COMMD1: variants seen among roughly 807,000 people sequenced by gnomAD.
COMMD1 encodes the protein COMM domain-containing protein 1.
A neutral mutation model predicts 17.2 loss-of-function variants in COMMD1; 10 were observed. That is an observed-to-expected ratio of 0.58 (90% CI 0.36 to 0.99). COMMD1 has a LOEUF of 0.99. COMMD1 is among the 50% of genes least tolerant of loss of function. The probability of loss-of-function intolerance (pLI) is 0.01; values close to 1 mark genes in which losing one functional copy is unlikely to be tolerated. For missense variants in COMMD1, 270 were observed against 231.8 expected, an observed-to-expected ratio of 1.17 and a Z score of -1.07; for synonymous variants, 97 against 91.6, an observed-to-expected ratio of 1.06 and a Z score of -0.34.
Position 61,975,378 on chromosome 2 carries a change from C to G in COMMD1, c.181-25323C>G, listed in dbSNP as rs114370119. 3.6e-3 allele frequency among the ~76,000 whole-genome samples: 543 copies of G among 152,110 alleles called. 4 individuals carry two copies. Among genetic ancestry groups the G allele is most frequent in the Admixed American group, 6.0e-3 (92 of 15,260 alleles). On this transcript the variant is annotated intron_variant, in intron 1 of 2. Transcript: ENST00000311832. ...TTTTTCAATTCATTTGGGGAGGTAT[C>G]AAGGAGAGTGATTGCTGGATTTTAT... is the stretch of plus-strand genomic sequence containing the variant.
At chr2:62,133,441 A>G (rs1673099497) in intron 2 of COMMD1, among the ~76,000 whole-genome samples, 1 of 152,124 alleles carries the variant, frequency 6.6e-6, no homozygotes, top group African/African-American at 2.4e-5. Flanking sequence ...TCTTAGGTTC[A>G]TGTATAAGGC....
intron 2 of COMMD1, among the ~76,000 whole-genome samples, chr2:62,127,558 C>G (rs1460400667): frequency 6.6e-6 from 1 of 152,076 alleles, no homozygotes; most frequent in Non-Finnish European, 1.5e-5. Context: ...AATAGAGAAC[C>G]CAGAAATAAG....
At chr2:62,130,985 T>C (rs1489439739) in intron 2 of COMMD1, among the ~76,000 whole-genome samples, 1 of 151,814 alleles carries the variant, frequency 6.6e-6, no homozygotes, top group Non-Finnish European at 1.5e-5. Flanking sequence ...TCCTGAGGAG[T>C]GTTGAGTGGT....
rs1483862744 is a variant in COMMD1 at position 61,930,657 on chromosome 2, G to A, written c.180+24799G>A. On this transcript the variant is annotated intron_variant, in intron 1 of 2. Coordinates refer to ENST00000311832, the MANE Select transcript of COMMD1 (RefSeq NM_152516.4). ...TGTGTGTGTGTGTGTGTGTGTGTGT[G>A]AGTGAGTGTTTGAGCTCACCTATCC... Among the ~76,000 whole-genome samples the A allele has an allele frequency of 2.7e-5, 4 of 150,132 alleles. No homozygotes were observed. In the East Asian group the frequency reaches 5.9e-4, roughly 22 times the overall value.
At chr2:62,051,088 C>A (rs1296038412) in intron 2 of COMMD1, among the ~76,000 whole-genome samples, 1 of 152,076 alleles carries the variant, frequency 6.6e-6, no homozygotes, top group Admixed American at 6.5e-5. Flanking sequence ...AAGAAGTTTA[C>A]AGATTGTTAG....
chr2:62,113,450 C>T (rs1672510875), intron 2 of COMMD1, among the ~76,000 whole-genome samples: 1 of 152,040 alleles, frequency 6.6e-6, no homozygotes, highest in African/African-American at 2.4e-5. Context: ...GCTCTGTCAC[C>T]CAGGCTCACT....
At chr2:61,975,222 C>A (rs1443992737) in intron 1 of COMMD1, among the ~76,000 whole-genome samples, 1 of 122,244 alleles carries the variant, frequency 8.2e-6, no homozygotes, top group East Asian at 2.4e-4. Flanking sequence ...AATAATATTT[C>A]TTTGTCTAGA....
At chr2:62,058,099 C>A (rs1202064319) in intron 2 of COMMD1, among the ~76,000 whole-genome samples, 1 of 152,008 alleles carries the variant, frequency 6.6e-6, no homozygotes, top group Non-Finnish European at 1.5e-5. Context: ...TACAATAAAT[C>A]TTTTGAGATT....
chr2:62,023,482 T>C (rs945714571), intron 2 of COMMD1, among the ~76,000 whole-genome samples: 1 of 151,102 alleles, frequency 6.6e-6, no homozygotes, highest in African/African-American at 2.5e-5. Flanking sequence ...AAATATTTAC[T>C]GTGGATTTTT....
chr2:61,888,987 G>T (rs1403387675), intron 1 of COMMD1: 1 of 148,548 alleles, frequency 6.7e-6, no homozygotes. Context: ...GCTCACTGCA[G>T]CCTCCGCCTC....
chr2:62,072,741 C>T (rs1671233411), intron 2 of COMMD1, among the ~76,000 whole-genome samples: 1 of 152,220 alleles, frequency 6.6e-6, no homozygotes. Context: ...ACCGCATTCC[C>T]CACATCTAGA....
intron 2 of COMMD1, among the ~76,000 whole-genome samples, chr2:62,068,115 A>G (rs948384735): frequency 2.0e-5 from 3 of 152,158 alleles, no homozygotes; most frequent in African/African-American, 4.8e-5. Context: ...TCACTATAAT[A>G]CTATATAGAG....
At chr2:62,049,615 A>G (rs1010716846) in intron 2 of COMMD1, among the ~76,000 whole-genome samples, 1 of 152,144 alleles carries the variant, frequency 6.6e-6, no homozygotes, top group Non-Finnish European at 1.5e-5. Flanking sequence ...CTAGGTGAAC[A>G]TTTCAAAGTA....
chr2:61,901,524 G>C (rs1471144433), upstream of COMMD1, among the ~76,000 whole-genome samples: 2 of 151,978 alleles, frequency 1.3e-5, no homozygotes, highest in African/African-American at 4.8e-5. Context: ...TAGGGAGGCT[G>C]ACACATGAAA....
intron 2 of COMMD1, among the ~76,000 whole-genome samples, chr2:62,049,711 T>C (rs538873931): frequency 3.3e-5 from 5 of 152,298 alleles, no homozygotes; most frequent in Non-Finnish European, 5.9e-5. Flanking sequence ...TATCGTACCA[T>C]CTTATGGTTC....
intron 1 of COMMD1, chr2:61,915,693 C>A (rs1490808347): frequency 2.2e-6 from 1 of 453,668 alleles, no homozygotes; most frequent in South Asian, 1.6e-5. Context: ...GACAGAATCT[C>A]CCCATATCGT....
At chr2:61,918,238 ATT>A (rs1223052009) in intron 1 of COMMD1, among the ~76,000 whole-genome samples, 1 of 152,244 alleles carries the variant, frequency 6.6e-6, no homozygotes, top group Non-Finnish European at 1.5e-5. Context: ...TTTCTGGAAA[ATT>A]TAAAGTTCTA....
upstream of COMMD1, chr2:61,888,634 G>C (rs898658029): frequency 1.1e-5 from 13 of 1,169,576 alleles, no homozygotes; most frequent in Non-Finnish European, 1.5e-5. Flanking sequence ...CGCCGGCGTC[G>C]GGAGGAGGCG....
intron 1 of COMMD1, among the ~76,000 whole-genome samples, chr2:61,990,889 AAAATAT>A (rs1672229711): frequency 1.0e-5 from 1 of 98,226 alleles, no homozygotes; most frequent in Non-Finnish European, 2.1e-5. Flanking sequence ...AAAAAAAAAA[AAAATAT>A]ATATATATAC....
Sources: gnomAD v4.1 joint callset for allele counts (sites outside exome capture counted in the v4.1 genomes callset) on GRCh38, gnomAD v4.1.1 for gene constraint, MANE v1.5 for transcripts, NCBI Gene and HGNC (gene_info 2026-07-23, HGNC 2026-07-21) for gene names.